The following CCT3 variants were observed in gnomAD, a reference collection of about 807,000 sequenced individuals.
CCT3 encodes the protein chaperonin containing TCP1 subunit 3.
CCT3 carries 10 observed loss-of-function variants against 65.3 expected under a neutral mutation model. That is an observed-to-expected ratio of 0.15 (90% CI 0.09 to 0.26). CCT3 has a LOEUF of 0.26. Ranked by LOEUF, CCT3 falls within the 10% of genes least tolerant of loss-of-function variation. The pLI, the probability that CCT3 is intolerant of heterozygous loss-of-function variation, is 1.00. For missense variants in CCT3, 626 were observed against 708.7 expected (o/e 0.88, Z 1.33); for synonymous variants, 225 against 242.3 (o/e 0.93, Z 0.66).
chr1:156,316,587 A>G (rs1345206400), intron 10 of CCT3, among the ~76,000 whole-genome samples: 4 of 152,260 alleles, frequency 2.6e-5, no homozygotes, highest in Non-Finnish European at 5.9e-5. Context: ...TTTGCTGGGC[A>G]TGGTGGCGCA....
Position 156,317,174 on chromosome 1 carries a change from G to A in CCT3, c.966C>T (p.Arg322=), listed in dbSNP as rs2101639171. The change falls in exon 10 of 14, where the codon CGC becomes CGT. Residue 322 remains arginine (R), a synonymous_variant. Transcript: ENST00000295688. The part of the protein sequence containing the change: ...IRRVRKTDNN[R]IARACGARIV... ...TTACCTGGCCTACTCACCTAGCAATGCGATTATTGTCTGTCTTCCGGACTC... is the reference window on the plus strand; with the variant it reads ...TTACCTGGCCTACTCACCTAGCAATACGATTATTGTCTGTCTTCCGGACTC... 6.2e-7 allele frequency: 1 copy of A among 1,613,966 alleles called. No individual in the cohort carries two copies. The highest frequency in any genetic ancestry group is 8.5e-7 in the Non-Finnish European group (1 of 1,179,800).
chr1:156,325,242 G>C (rs1422257179), intron 5 of CCT3, among the ~76,000 whole-genome samples, 153 bp from the exon 6 acceptor site: 2 of 152,164 alleles, frequency 1.3e-5, no homozygotes, highest in African/African-American at 4.8e-5. Context: ...TCTACACATT[G>C]TATAAGACGG....
At chr1:156,337,357 G>C in intron 1 of CCT3, 1 of 229,510 alleles carries the variant, frequency 4.4e-6, no homozygotes, top group Middle Eastern at 1.8e-3. Context: ...GCAGTGAACA[G>C]AGATCGCGCC....
intron 1 of CCT3, chr1:156,337,203 T>C (rs972606100): frequency 3.1e-5 from 14 of 455,152 alleles, no homozygotes; most frequent in African/African-American, 1.3e-4. Context: ...TCATCAGCAG[T>C]TGGAGACCAG....
chr1:156,327,744 C>T (rs970848863), intron 5 of CCT3, among the ~76,000 whole-genome samples: 3 of 150,838 alleles, frequency 2.0e-5, no homozygotes, highest in African/African-American at 4.9e-5. Context: ...TCTGCCTGGC[C>T]GCCCATCGTC....
chr1:156,325,764 G>A (rs2101656133), intron 5 of CCT3, among the ~76,000 whole-genome samples: 1 of 151,936 alleles, frequency 6.6e-6, no homozygotes, highest in Middle Eastern at 3.4e-3. Flanking sequence ...TTTATTAGTA[G>A]AGACGGGTTT....
At position 156,320,911 on chromosome 1, in the gene CCT3, A is replaced by G; in HGVS notation, c.537T>C (p.Ala179=). ...SSLACNIALD[A]VKMVQFEENG... Reference sequence around the variant, plus strand: ...TCTCCTCAAACTGTACCATCTTGACAGCATCCAGGGCAATGTTGCAAGCCA... The same window carrying G: ...TCTCCTCAAACTGTACCATCTTGACGGCATCCAGGGCAATGTTGCAAGCCA... The change falls in exon 7 of 14, where the codon GCT becomes GCC. Residue 179 remains alanine, a synonymous_variant. Transcript: ENST00000295688. 1 of 1,613,988 alleles carries G rather than the reference A, an allele frequency of 6.2e-7. No individual in the cohort carries two copies. The highest frequency in any genetic ancestry group is 8.5e-7 in the Non-Finnish European group (1 of 1,179,850).
intron 10 of CCT3, among the ~76,000 whole-genome samples, chr1:156,313,113 G>A (rs1664150804): frequency 6.6e-6 from 1 of 152,128 alleles, no homozygotes; most frequent in South Asian, 2.1e-4. Context: ...GAAGGCCGAG[G>A]TGGGTGGATG....
chr1:156,330,326 G>T (rs892810938), intron 5 of CCT3, among the ~76,000 whole-genome samples: 24 of 152,180 alleles, frequency 1.6e-4, no homozygotes, highest in Admixed American at 1.6e-3. Flanking sequence ...AGTTGACTGT[G>T]ACTCTCAAGG....
intron 11 of CCT3, among the ~76,000 whole-genome samples, chr1:156,311,407 A>C (rs549749485): frequency 1.3e-5 from 2 of 152,322 alleles, no homozygotes; most frequent in African/African-American, 4.8e-5. Context: ...TGGTATCTGC[A>C]AAGGGTTTGG....
chr1:156,330,454 TAG>T (rs1262817950), intron 5 of CCT3, among the ~76,000 whole-genome samples: 1 of 151,758 alleles, frequency 6.6e-6, no homozygotes, highest in Non-Finnish European at 1.5e-5. Context: ...CTGAGGTTGA[TAG>T]AGTTTGACAC....
At position 156,335,037 on chromosome 1, in the gene CCT3, AAT is replaced by A. The variant is rs552286646; in HGVS notation, c.94-121_94-120del. The A allele has an allele frequency of 3.0e-4, 246 of 816,920 alleles. No individual in the cohort carries two copies. The African/African-American group carries it at 4.1e-3, about 14-fold the overall frequency. The allele number at this position is 816,920 out of a possible 1,614,324, so 50.6% of individuals were successfully genotyped here. A position where few individuals can be genotyped will look rare whatever the true frequency, so the allele number is the denominator to read the frequency against. On this transcript the variant is annotated intron_variant, in intron 2 of 13. Transcript: ENST00000295688. Reference sequence around the variant, plus strand: ...CAGAGTCAGTGTTTTATTTTATTTTAATTTTATTTTATTTTTAGATATGGGGT... The same window carrying A: ...CAGAGTCAGTGTTTTATTTTATTTTATTTATTTTATTTTTAGATATGGGGT...
chr1:156,335,849 G>A lies in CCT3; in HGVS notation c.71C>T (p.Ser24Phe). The change falls in exon 2 of 14, where the codon TCT (serine) becomes TTT (phenylalanine). Residue 24 changes from serine to phenylalanine, a missense_variant. Transcript: ENST00000295688. ...TKRESGRKVQ[S>F]GNINAAKTIA... ...GACCTTGGCAGCATTGATGTTTCCA[G>A]ATTGAACTTTTCTTCCGGATTCACG... The A allele has an allele frequency of 6.2e-7, 1 of 1,614,072 alleles. No homozygotes were observed. The highest frequency in any genetic ancestry group is 1.3e-5 in the African/African-American group (1 of 75,042).
chr1:156,323,415 G>GA (rs201090906), intron 6 of CCT3, among the ~76,000 whole-genome samples: 9 of 148,606 alleles, frequency 6.1e-5, no homozygotes, highest in African/African-American at 1.2e-4. Flanking sequence ...TTTAAATAAA[G>GA]AAAAAAAAAA....
chr1:156,335,028 T>C (rs1458856063), intron 2 of CCT3, 110 bp from the exon 3 acceptor site: 2 of 867,780 alleles, frequency 2.3e-6, no homozygotes, highest in Admixed American at 4.8e-5. Flanking sequence ...CAGTGTTTTA[T>C]TTTATTTTAA....
chr1:156,317,381 C>G, intron 9 of CCT3, 34 bp downstream of exon 9: 1 of 1,602,662 alleles, frequency 6.2e-7, no homozygotes. Context: ...TCGTCTACCT[C>G]AAAGGTAGGC....
chr1:156,335,687 A>G, intron 2 of CCT3, 140 bp downstream of exon 2: 2 of 618,790 alleles, frequency 3.2e-6, no homozygotes, highest in East Asian at 5.6e-5. Context: ...CATCAGGAAA[A>G]TGTTCTGAAA....
chr1:156,318,764 T>C (rs1664415270), intron 8 of CCT3, 104 bp downstream of exon 8: 1 of 1,067,174 alleles, frequency 9.4e-7, no homozygotes, highest in Non-Finnish European at 1.4e-6. Flanking sequence ...CAGTGTACAC[T>C]ATGCACCCAG....
At chr1:156,337,522 G>C (rs1016780447) in intron 1 of CCT3, 1 of 169,120 alleles carries the variant, frequency 5.9e-6, no homozygotes, top group African/African-American at 2.4e-5. Flanking sequence ...GGGACACGGA[G>C]GGAACGATTA....
Sources: gnomAD v4.1 joint callset for allele counts (sites outside exome capture counted in the v4.1 genomes callset) on GRCh38, gnomAD v4.1.1 for gene constraint, MANE v1.5 for transcripts, NCBI Gene and HGNC (gene_info 2026-07-23, HGNC 2026-07-21) for gene names.